Variants in RGS6 observed in about 807,000 individuals in gnomAD.
RGS6 encodes regulator of G protein signaling 6.
A neutral mutation model predicts 78.5 loss-of-function variants in RGS6; 30 were observed. The observed-to-expected ratio is 0.38, with a 90% CI of 0.29 to 0.52. The LOEUF (loss-of-function observed/expected upper bound fraction) is 0.52, where lower values mean the gene tolerates loss of function less well. Among genes scored for constraint, RGS6 ranks in the 20% least tolerant of loss-of-function variants. The pLI is 0.85. For missense variants in RGS6, 495 were observed against 609.7 expected (o/e 0.81, Z 1.98); for synonymous variants, 206 against 206.0 (o/e 1.00, Z 0.00).
At chr14:72,064,908 G>A (rs958130579) in intron 2 of RGS6, among the ~76,000 whole-genome samples, 8 of 151,998 alleles carry the variant, frequency 5.3e-5, no homozygotes, top group Admixed American at 3.9e-4. Flanking sequence ...ATGTGGCAAC[G>A]GTAAAATGTG....
In RGS6 at chr14:72,023,961, A is replaced by T. The variant is rs74060451; in HGVS notation, c.84+59086A>T. ...CCTTGCTCTCGTTTCTGGGGGAGAA[A>T]GCCATGTATACCTCCAGCACTCAGA... On this transcript the variant is annotated intron_variant, in intron 2 of 17. Coordinates refer to ENST00000553525, the MANE Select transcript of RGS6 (RefSeq NM_001204424.2). Among the ~76,000 whole-genome samples, 1,086 of 152,270 alleles carry T rather than the reference A, an allele frequency of 7.1e-3. 16 individuals are homozygous for T. Among genetic ancestry groups the T allele is most frequent in the African/African-American group, 0.025 (1,030 of 41,560 alleles).
At chr14:71,998,112 G>A (rs1566986635) in intron 2 of RGS6, among the ~76,000 whole-genome samples, 1 of 152,214 alleles carries the variant, frequency 6.6e-6, no homozygotes, top group Non-Finnish European at 1.5e-5. Flanking sequence ...AAGTACATTG[G>A]TTCGGTGTGG....
intron 2 of RGS6, among the ~76,000 whole-genome samples, chr14:72,123,796 ATAAG>A (rs1237158439): frequency 2.0e-4 from 30 of 152,214 alleles, no homozygotes; most frequent in African/African-American, 7.0e-4. Flanking sequence ...TTACTAATAA[ATAAG>A]TATTTCTCCA....
chr14:71,960,432 C>T (rs2093107600), intron 1 of RGS6, among the ~76,000 whole-genome samples: 1 of 152,192 alleles, frequency 6.6e-6, no homozygotes, highest in Non-Finnish European at 1.5e-5. Context: ...GCTTGTTATC[C>T]AGATGAATCT....
At chr14:72,021,681 A>C (rs1209343341) in intron 2 of RGS6, among the ~76,000 whole-genome samples, 1 of 151,768 alleles carries the variant, frequency 6.6e-6, no homozygotes, top group East Asian at 1.9e-4. Flanking sequence ...CATGTTGGCC[A>C]GGCTGGTCTC....
At chr14:72,115,179 C>G (rs77256264) in intron 2 of RGS6, among the ~76,000 whole-genome samples, 2 of 152,154 alleles carry the variant, frequency 1.3e-5, no homozygotes, top group African/African-American at 4.8e-5. Context: ...TCAACCCTAG[C>G]GCTCGCTCAG....
At chr14:72,005,045 T>G (rs183895125) in intron 2 of RGS6, among the ~76,000 whole-genome samples, 1 of 152,264 alleles carries the variant, frequency 6.6e-6, no homozygotes, top group Admixed American at 6.5e-5. Context: ...TATGTAAAAA[T>G]GTGTGCATAA....
the RGS6 span, among the ~76,000 whole-genome samples, chr14:71,886,641 T>C: frequency 6.6e-6 from 1 of 152,240 alleles, no homozygotes; most frequent in African/African-American, 2.4e-5. Flanking sequence ...AATCAGCATG[T>C]AATTTTGGTG....
intron 2 of RGS6, among the ~76,000 whole-genome samples, chr14:72,136,065 C>T (rs557390144): frequency 1.9e-4 from 29 of 152,270 alleles, no homozygotes; most frequent in African/African-American, 4.6e-4. Flanking sequence ...TTTTCCTTGA[C>T]GAAAAGTTTT....
chr14:71,876,473 C>CTTTTTTTTTTTTTTTTTTTTTT, the RGS6 span, among the ~76,000 whole-genome samples: 2 of 72,470 alleles, frequency 2.8e-5, no homozygotes, highest in African/African-American at 6.1e-5. Context: ...GCAACCGCTG[C>CTTTTTTTTTTTTTTTTTTTTTT]TTTTTTTTTT....
At chr14:71,897,516 A>T in the RGS6 span, among the ~76,000 whole-genome samples, 1 of 151,690 alleles carries the variant, frequency 6.6e-6, no homozygotes, top group Non-Finnish European at 1.5e-5. Context: ...TTTTTATTTT[A>T]TTTTATTTTA....
intron 2 of RGS6, among the ~76,000 whole-genome samples, chr14:72,120,337 A>T (rs1332541808): frequency 6.6e-6 from 1 of 152,212 alleles, no homozygotes; most frequent in Non-Finnish European, 1.5e-5. Flanking sequence ...TACAAAACAG[A>T]TAGAAGAGCA....
At chr14:72,069,706 A>G (rs1265204233) in intron 2 of RGS6, among the ~76,000 whole-genome samples, 1 of 151,242 alleles carries the variant, frequency 6.6e-6, no homozygotes, top group Non-Finnish European at 1.5e-5. Context: ...TGCCCAGCTA[A>G]TTTTTGTATT....
At chr14:72,610,702 G>A in the RGS6 span, among the ~76,000 whole-genome samples, 5 of 152,194 alleles carry the variant, frequency 3.3e-5, no homozygotes, top group Non-Finnish European at 5.9e-5. Context: ...GCCTGAGAGC[G>A]CGCTCAAGGG....
intron 2 of RGS6, among the ~76,000 whole-genome samples, chr14:72,161,176 G>C (rs1337206485): frequency 6.6e-6 from 1 of 152,134 alleles, no homozygotes; most frequent in African/African-American, 2.4e-5. Flanking sequence ...TCACTCATAA[G>C]TTGAACAATG....
intron 2 of RGS6, among the ~76,000 whole-genome samples, chr14:72,044,498 C>T (rs995286721): frequency 2.0e-5 from 3 of 152,152 alleles, no homozygotes; most frequent in Non-Finnish European, 4.4e-5. Flanking sequence ...CTTCCTTCCT[C>T]CCTCTCCCTC....
chr14:72,497,901 A>G (rs1203818780), intron 13 of RGS6, among the ~76,000 whole-genome samples: 1 of 152,000 alleles, frequency 6.6e-6, no homozygotes, highest in Non-Finnish European at 1.5e-5. Context: ...TCCTTTTTTA[A>G]GAAGTCTGGG....
chr14:72,261,620 C>T (rs996514941), intron 2 of RGS6, among the ~76,000 whole-genome samples: 6 of 152,120 alleles, frequency 3.9e-5, no homozygotes, highest in African/African-American at 1.4e-4. Flanking sequence ...AAATCCCCAC[C>T]ATTCAATGAA....
At chr14:72,457,275 A>G (rs887058465) in intron 4 of RGS6, among the ~76,000 whole-genome samples, 15 of 152,216 alleles carry the variant, frequency 9.9e-5, no homozygotes, top group Non-Finnish European at 1.8e-4. Flanking sequence ...AAAACAAACT[A>G]CTTTAAAAAG....
Sources: allele counts gnomAD v4.1 joint callset (sites outside exome capture counted in the v4.1 genomes callset), GRCh38; gene constraint gnomAD v4.1.1; transcripts MANE v1.5; gene names NCBI Gene and HGNC (gene_info 2026-07-23, HGNC 2026-07-21).